Variants in CELF2 observed in about 807,000 individuals in gnomAD.
CELF2 encodes CUG triplet repeat RNA-binding protein 2.
A neutral mutation model predicts 62.6 loss-of-function variants in CELF2; 8 were observed. The ratio of observed to expected loss-of-function variants is 0.13; its 90% CI spans 0.07 to 0.23. CELF2 has a LOEUF of 0.23. CELF2 is among the 10% of genes least tolerant of loss of function. The pLI, the probability that CELF2 is intolerant of heterozygous loss-of-function variation, is 1.00. For synonymous variants in CELF2, 258 were observed against 250.0 expected, an observed-to-expected ratio of 1.03 and a Z score of -0.30; for missense variants, 333 against 671.0, an observed-to-expected ratio of 0.50 and a Z score of 5.56.
the CELF2 span, among the ~76,000 whole-genome samples, chr10:10,588,997 A>G: frequency 2.0e-5 from 3 of 152,312 alleles, no homozygotes; most frequent in African/African-American, 7.2e-5. Flanking sequence ...CCCAAGGTTA[A>G]TGACATACCT....
intron 1 of CELF2, among the ~76,000 whole-genome samples, chr10:11,163,393 C>T (rs2066178042): frequency 6.6e-6 from 1 of 152,164 alleles, no homozygotes; most frequent in African/African-American, 2.4e-5. Context: ...CACTCTCAAC[C>T]CCCGACAGGG....
chr10:10,477,770 C>CAAAA, the CELF2 span, among the ~76,000 whole-genome samples: 2 of 119,288 alleles, frequency 1.7e-5, no homozygotes, highest in Non-Finnish European at 3.7e-5. Context: ...CCTGCAACAC[C>CAAAA]AAAAAAAAAA....
intron 1 of CELF2, among the ~76,000 whole-genome samples, chr10:10,829,462 C>G (rs1223374076): frequency 2.6e-5 from 4 of 152,258 alleles, no homozygotes; most frequent in African/African-American, 9.6e-5. Context: ...TGTATCTAGA[C>G]TTCAGAGAAG....
the CELF2 span, among the ~76,000 whole-genome samples, chr10:10,484,996 C>G: frequency 6.6e-6 from 1 of 152,080 alleles, no homozygotes; most frequent in Non-Finnish European, 1.5e-5. Flanking sequence ...CTTTATATCT[C>G]TTTATGTACT....
Position 10,924,280 on chromosome 10 carries a change from C to CAAAAA in CELF2, c.89+4281_89+4282insAAAAA, listed in dbSNP as rs1564827054. ...CTGGGCAACACAGCGAGACTCCGTCCCAAAAAAAAAAAAAAAAAAAAAAAA... is the reference window on the plus strand; with the variant it reads ...CTGGGCAACACAGCGAGACTCCGTCCAAAAACAAAAAAAAAAAAAAAAAAAAAAAA... On this transcript the variant is annotated intron_variant, in intron 2 of 13. Coordinates refer to the CELF2 transcript ENST00000636488. Among the ~76,000 whole-genome samples, 29 of 52,674 alleles carry CAAAAA rather than the reference C, an allele frequency of 5.5e-4. 1 individual carries two copies. The highest frequency in any genetic ancestry group is 1.5e-3 in the African/African-American group (29 of 19,174). 34.6% of individuals were successfully genotyped at this position (52,674 alleles called of 152,430 possible).
chr10:10,672,891 C>T, the CELF2 span, among the ~76,000 whole-genome samples: 7 of 152,158 alleles, frequency 4.6e-5, no homozygotes, highest in South Asian at 4.1e-4. Context: ...TGGGAAAAAC[C>T]GACTTGCCAG....
chr10:10,744,613 T>G, the CELF2 span, among the ~76,000 whole-genome samples: 2 of 152,130 alleles, frequency 1.3e-5, no homozygotes, highest in Admixed American at 1.3e-4. Context: ...TCAAAGCAAT[T>G]AGAATAGGTT....
chr10:10,472,090 G>A, the CELF2 span, among the ~76,000 whole-genome samples: 3 of 151,780 alleles, frequency 2.0e-5, no homozygotes, highest in Non-Finnish European at 2.9e-5. Flanking sequence ...CTTTGTTTTA[G>A]TTCTGTTTGA....
chr10:11,188,049 T>TTG (rs2075417818), intron 2 of CELF2, among the ~76,000 whole-genome samples: 1 of 152,218 alleles, frequency 6.6e-6, no homozygotes. Context: ...CTTTCACCTT[T>TTG]TGTGTGTCTT....
intron 2 of CELF2, among the ~76,000 whole-genome samples, chr10:11,194,900 G>A (rs922623643): frequency 2.0e-5 from 3 of 152,174 alleles, no homozygotes; most frequent in Admixed American, 6.5e-5. Flanking sequence ...ATGCGTCTTT[G>A]TTGGACAAGC....
At chr10:10,674,008 A>T in the CELF2 span, among the ~76,000 whole-genome samples, 1 of 152,190 alleles carries the variant, frequency 6.6e-6, no homozygotes, top group East Asian at 1.9e-4. Flanking sequence ...CTGCTCTTGG[A>T]TCAAGTAATT....
the CELF2 span, among the ~76,000 whole-genome samples, chr10:10,521,542 A>G: frequency 6.6e-6 from 1 of 151,680 alleles, no homozygotes; most frequent in Admixed American, 6.6e-5. Context: ...TGCATTTTTA[A>G]TTTAATTTTC....
intron 2 of CELF2, among the ~76,000 whole-genome samples, chr10:11,167,685 A>G (rs1032939386): frequency 1.7e-4 from 26 of 152,226 alleles, no homozygotes; most frequent in Admixed American, 1.5e-3. Flanking sequence ...ACTGTGCCTG[A>G]TTACTAATTT....
chr10:10,691,405 A>G, the CELF2 span, among the ~76,000 whole-genome samples: 4 of 146,148 alleles, frequency 2.7e-5, no homozygotes, highest in African/African-American at 1.0e-4. Context: ...CCAGTCTATC[A>G]TTGTTGGACA....
the CELF2 span, among the ~76,000 whole-genome samples, chr10:10,537,861 A>T: frequency 6.6e-6 from 1 of 152,188 alleles, no homozygotes; most frequent in Non-Finnish European, 1.5e-5. Flanking sequence ...GAAAAGACAG[A>T]CCTGACAGAA....
chr10:10,651,793 G>A, the CELF2 span, among the ~76,000 whole-genome samples: 35 of 151,996 alleles, frequency 2.3e-4, no homozygotes, highest in South Asian at 7.1e-3. Context: ...AGAAAAACTG[G>A]AAACTCTAAA....
the CELF2 span, among the ~76,000 whole-genome samples, chr10:10,661,067 G>A: frequency 3.9e-5 from 6 of 152,204 alleles, no homozygotes; most frequent in Admixed American, 3.9e-4. Context: ...TACATACAGT[G>A]AGATGCTCAG....
the CELF2 span, among the ~76,000 whole-genome samples, chr10:10,547,688 A>T: frequency 5.9e-5 from 8 of 134,814 alleles, no homozygotes; most frequent in African/African-American, 2.2e-4. Context: ...AGAGAGAGAG[A>T]GAGAGTGTGT....
At chr10:10,725,102 A>G in the CELF2 span, among the ~76,000 whole-genome samples, 2,405 of 152,352 alleles carry the variant, frequency 0.016, 60 homozygotes, top group African/African-American at 0.055. Flanking sequence ...GCTTTTTACC[A>G]GTATTCCAAT....
Sources: allele counts gnomAD v4.1 joint callset (sites outside exome capture counted in the v4.1 genomes callset), GRCh38; gene constraint gnomAD v4.1.1; transcripts MANE v1.5; gene names NCBI Gene and HGNC (gene_info 2026-07-23, HGNC 2026-07-21).